Variants in RGS22 observed in about 807,000 individuals in gnomAD.
The protein encoded by RGS22 is regulator of G protein signaling 22.
RGS22 carries 148 observed loss-of-function variants against 172.9 expected under a neutral mutation model. The ratio of observed to expected loss-of-function variants is 0.86; its 90% CI spans 0.75 to 0.98. The LOEUF (loss-of-function observed/expected upper bound fraction) is 0.98, where lower values mean the gene tolerates loss of function less well. Among genes scored for constraint, RGS22 ranks in the 50% least tolerant of loss-of-function variants. The pLI is 0.00. For synonymous variants in RGS22, 458 were observed against 480.2 expected (o/e 0.95, Z 0.60); for missense variants, 1,347 against 1,440.8 (o/e 0.93, Z 1.05).
chr8:100,039,868 T>C (rs1045243324), intron 13 of RGS22, 94 bp downstream of exon 13: 35 of 681,766 alleles, frequency 5.1e-5, no homozygotes, highest in Non-Finnish European at 7.7e-5. Flanking sequence ...AATTTTAACA[T>C]CAAATATAAT....
At chr8:100,047,696 T>C in intron 10 of RGS22, 100 bp from the exon 11 acceptor site, 1 of 1,118,384 alleles carries the variant, frequency 8.9e-7, no homozygotes, top group South Asian at 2.6e-5. Flanking sequence ...GTACTTTTTC[T>C]TTCCCTTTGC....
At position 100,063,539 on chromosome 8, in the gene RGS22, C is replaced by T. The variant is rs1268157496; in HGVS notation, c.1229G>A (p.Gly410Asp). 6.2e-7 allele frequency: 1 copy of T among 1,613,954 alleles called. No individual in the cohort carries two copies. The highest frequency in any genetic ancestry group is 1.1e-5 in the South Asian group (1 of 91,078). Residue 410 changes from glycine to aspartate, a missense_variant, in exon 8 of 28, where the codon GGC becomes GAC. Transcript: ENST00000360863. ...WCISHRTYDIGNRKEFERFKK... is the reference protein window; with the variant it reads ...WCISHRTYDIDNRKEFERFKK... Reference sequence around the variant, plus strand: ...AAATCTTTCAAACTCCTTTCTATTGCCAATGTCATAAGTCCTATGAGAAAT... The same window carrying T: ...AAATCTTTCAAACTCCTTTCTATTGTCAATGTCATAAGTCCTATGAGAAAT...
At chr8:100,070,623 T>C (rs781592619) in intron 6 of RGS22, among the ~76,000 whole-genome samples, 2 of 152,232 alleles carry the variant, frequency 1.3e-5, no homozygotes, top group Admixed American at 6.5e-5. Context: ...AATTGTGGGT[T>C]TTTTGTATTG....
chr8:100,071,252 C>T, intron 6 of RGS22, 117 bp downstream of exon 6: 1 of 867,666 alleles, frequency 1.2e-6, no homozygotes, highest in Admixed American at 3.0e-5. Flanking sequence ...CATATCACTG[C>T]ACTCCAGCCT....
chr8:100,101,722 A>G (rs1813507518), intron 2 of RGS22, among the ~76,000 whole-genome samples: 2 of 152,012 alleles, frequency 1.3e-5, no homozygotes, highest in South Asian at 4.1e-4. Context: ...AATTTATTCT[A>G]AATGAGTTAT....
chr8:100,013,680 AC>A (rs1816658580), intron 14 of RGS22, among the ~76,000 whole-genome samples: 1 of 152,164 alleles, frequency 6.6e-6, no homozygotes. Flanking sequence ...TATTAGTAGA[AC>A]AACTTCCTCT....
intron 3 of RGS22, among the ~76,000 whole-genome samples, chr8:100,082,459 C>G (rs1463051379): frequency 6.6e-6 from 1 of 152,180 alleles, no homozygotes. Flanking sequence ...TTAGCTCCTA[C>G]AGATAAGTGA....
intron 14 of RGS22, among the ~76,000 whole-genome samples, chr8:100,024,563 C>A (rs562285928): frequency 1.3e-5 from 2 of 151,186 alleles, no homozygotes; most frequent in African/African-American, 4.9e-5. Flanking sequence ...TACAGTCTCA[C>A]GGAGAAAAAA....
intron 14 of RGS22, among the ~76,000 whole-genome samples, chr8:100,031,989 G>T (rs568677298): frequency 6.6e-6 from 1 of 152,202 alleles, no homozygotes; most frequent in East Asian, 1.9e-4. Context: ...TCACCACCAG[G>T]CCTGCCTTAC....
chr8:99,983,712 T>C (rs756363884), intron 21 of RGS22, among the ~76,000 whole-genome samples: 1 of 152,188 alleles, frequency 6.6e-6, no homozygotes, highest in Non-Finnish European at 1.5e-5. Context: ...AATTATGGCA[T>C]TTCTCTGTCA....
At chr8:100,012,754 C>T (rs116882746) in intron 14 of RGS22, among the ~76,000 whole-genome samples, 3 of 152,230 alleles carry the variant, frequency 2.0e-5, no homozygotes, top group Non-Finnish European at 4.4e-5. Flanking sequence ...ATTCCAAATT[C>T]ACTTCAAGGA....
chr8:100,051,396 T>TATATATATATTTATTATATATATATAC (rs1491154248), intron 10 of RGS22, among the ~76,000 whole-genome samples: 2,048 of 128,978 alleles, frequency 0.016, 37 homozygotes, highest in Non-Finnish European at 0.026. Flanking sequence ...TATATATTTT[T>TATATATATATTTATTATATATATATAC]ATATATATAT....
rs202105699 is a variant in RGS22 at position 100,047,577 on chromosome 8, G to C, written c.1709C>G (p.Ser570Ter). ...PEIQKEEFSLSQPPKSPNKSP... is the reference protein window; with the variant it reads ...PEIQKEEFSL ...TTTATTGGGAGATTTAGGAGGTTGT[G>C]ATAAGCTGAATTCTTCTTTCTAAAA... Residue 570 changes from serine (S) to a stop codon, truncating the protein, a stop_gained, in exon 11 of 28, where the codon TCA (serine) becomes TGA (stop). Transcript: ENST00000360863. LOFTEE classifies it high-confidence loss of function. 6.3e-5 allele frequency: 102 copies of C among 1,608,304 alleles called. 1 individual carries two copies. In the African/African-American group the frequency reaches 1.3e-3, roughly 20 times the overall value.
chr8:100,030,375 C>G (rs1205152183), intron 14 of RGS22, among the ~76,000 whole-genome samples: 1 of 152,134 alleles, frequency 6.6e-6, no homozygotes, highest in Admixed American at 6.5e-5. Flanking sequence ...TTAGAATGTA[C>G]TCCTTCTACT....
intron 23 of RGS22, among the ~76,000 whole-genome samples, chr8:99,975,879 T>G (rs1324907351): frequency 1.3e-5 from 2 of 152,084 alleles, no homozygotes; most frequent in African/African-American, 4.8e-5. Flanking sequence ...TTTCTAGAAG[T>G]GTATTTGCTG....
intron 11 of RGS22, among the ~76,000 whole-genome samples, chr8:100,045,520 T>C (rs1419919497): frequency 6.6e-6 from 1 of 152,080 alleles, no homozygotes; most frequent in East Asian, 1.9e-4. Context: ...GAAATACTGT[T>C]TTTAAAATAT....
At chr8:100,099,257 C>T (rs1586295502) in intron 2 of RGS22, among the ~76,000 whole-genome samples, 1 of 152,194 alleles carries the variant, frequency 6.6e-6, no homozygotes, top group South Asian at 2.1e-4. Flanking sequence ...TCCAATACTT[C>T]GAATTATACC....
In RGS22 at chr8:100,004,044, G is replaced by A. The variant is rs1479309675; in HGVS notation, c.2509C>T (p.Arg837Ter). ...GILSLSNVSK[R>*]TEYWDNVPAE... ...GGAACATTATCCCAATATTCTGTTCGTTTAGAGACGTTAGAGAGTGATAAA... is the reference window on the plus strand; with the variant it reads ...GGAACATTATCCCAATATTCTGTTCATTTAGAGACGTTAGAGAGTGATAAA... Residue 837 changes from arginine (R) to a stop codon, truncating the protein, a stop_gained, in exon 17 of 28, where the codon CGA becomes TGA. Transcript: ENST00000360863. LOFTEE classifies it high-confidence loss of function. The A allele has an allele frequency of 5.6e-6, 9 of 1,611,120 alleles. No individual in the cohort carries two copies. Among genetic ancestry groups the A allele is most frequent in the African/African-American group, 2.7e-5 (2 of 74,918 alleles).
intron 23 of RGS22, among the ~76,000 whole-genome samples, chr8:99,977,400 G>A (rs1812091078): frequency 6.6e-6 from 1 of 151,350 alleles, no homozygotes; most frequent in Non-Finnish European, 1.5e-5. Context: ...TGGGATTACA[G>A]GCGTGAGGCA....
Sources: allele counts gnomAD v4.1 joint callset (sites outside exome capture counted in the v4.1 genomes callset), GRCh38; gene constraint gnomAD v4.1.1; transcripts MANE v1.5; gene names NCBI Gene and HGNC (gene_info 2026-07-23, HGNC 2026-07-21).